CDK15: variants seen among roughly 807,000 people sequenced by gnomAD.
CDK15 encodes the protein cyclin-dependent kinase 15.
A neutral mutation model predicts 60.3 loss-of-function variants in CDK15; 62 were observed. The observed-to-expected ratio is 1.03, with a 90% CI of 0.84 to 1.27. The LOEUF is 1.27. CDK15 is among the 50% of genes most tolerant of loss of function. The probability of loss-of-function intolerance (pLI) is 0.00; values close to 1 mark genes in which losing one functional copy is unlikely to be tolerated. For synonymous variants in CDK15, 194 were observed against 195.7 expected, an observed-to-expected ratio of 0.99 and a Z score of 0.07; for missense variants, 541 against 527.8, an observed-to-expected ratio of 1.03 and a Z score of -0.25.
intron 9 of CDK15, among the ~76,000 whole-genome samples, chr2:201,853,118 G>A (rs1363373228): frequency 2.6e-5 from 4 of 152,198 alleles, no homozygotes; most frequent in African/African-American, 4.8e-5. Context: ...ACATAAGATG[G>A]TAGGTTAAAA....
intron 12 of CDK15, among the ~76,000 whole-genome samples, chr2:201,889,831 C>G (rs1699580332): frequency 6.6e-6 from 1 of 151,946 alleles, no homozygotes. Context: ...AGGTGGATCA[C>G]CTGAGGTCAG....
At chr2:201,884,949 T>C (rs1699405512) in intron 12 of CDK15, among the ~76,000 whole-genome samples, 1 of 152,194 alleles carries the variant, frequency 6.6e-6, no homozygotes, top group African/African-American at 2.4e-5. Context: ...TAAAGTGCTC[T>C]AAGTGTTTGA....
At chr2:201,821,424 G>A (rs1325484930) in intron 4 of CDK15, among the ~76,000 whole-genome samples, 1 of 152,024 alleles carries the variant, frequency 6.6e-6, no homozygotes, top group South Asian at 2.1e-4. Flanking sequence ...TGTCAGGAGG[G>A]CAAAACGACA....
chr2:201,830,133 G>T (rs561993072), intron 6 of CDK15, among the ~76,000 whole-genome samples: 27 of 152,202 alleles, frequency 1.8e-4, no homozygotes, highest in Admixed American at 3.3e-4. Flanking sequence ...TAGAGATGGG[G>T]TCTTGCTATG....
At chr2:201,813,077 C>A (rs564077645) in intron 4 of CDK15, among the ~76,000 whole-genome samples, 1 of 152,260 alleles carries the variant, frequency 6.6e-6, no homozygotes, top group South Asian at 2.1e-4. Flanking sequence ...CACAGGTCCA[C>A]CAATCACTAG....
chr2:201,817,183 C>T (rs1013255160), intron 4 of CDK15, among the ~76,000 whole-genome samples: 14 of 152,222 alleles, frequency 9.2e-5, no homozygotes, highest in African/African-American at 3.4e-4. Context: ...CCTGCCCTGC[C>T]TCACTTTGAG....
intron 12 of CDK15, chr2:201,888,974 T>G: frequency 1.0e-6 from 1 of 986,160 alleles, no homozygotes; most frequent in African/African-American, 1.7e-5. Flanking sequence ...AATTGCATAT[T>G]ATAATATCCG....
At chr2:201,868,680 A>C (rs1422833900) in intron 10 of CDK15, among the ~76,000 whole-genome samples, 3 of 131,020 alleles carry the variant, frequency 2.3e-5, no homozygotes, top group African/African-American at 3.5e-5. Flanking sequence ...AACTTAAATA[A>C]GTTTACAAAA....
intron 4 of CDK15, among the ~76,000 whole-genome samples, chr2:201,817,375 A>C (rs919133549): frequency 2.0e-5 from 3 of 152,118 alleles, no homozygotes; most frequent in Admixed American, 6.5e-5. Context: ...TTCTCTGATG[A>C]TTCGTGATGT....
At chr2:201,823,626 T>G (rs935552500) in intron 5 of CDK15, 39 bp from the exon 6 acceptor site, 3 of 1,577,358 alleles carry the variant, frequency 1.9e-6, no homozygotes, top group South Asian at 1.1e-5. Flanking sequence ...TAAGCACCAC[T>G]AAATTCACTC....
chr2:201,870,134 T>C (rs1377323425), intron 10 of CDK15, among the ~76,000 whole-genome samples: 1 of 152,226 alleles, frequency 6.6e-6, no homozygotes, highest in East Asian at 1.9e-4. Context: ...CTTAGCACTA[T>C]GAATTCAAAT....
In CDK15 at chr2:201,833,895, A is replaced by C; in HGVS notation, c.654A>C (p.Gln218His). ...GGGGCCTGGCGTACATCCACCACCA[A>C]CACGTTCTTCACAGGGACCTGAAAC... ...LLRGLAYIHH[Q>H]HVLHRDLKPQ... Residue 218 changes from glutamine (Q) to histidine (H), a missense_variant, in exon 7 of 14, where the codon CAA (glutamine) becomes CAC (histidine). Physicochemically the swap from Gln to His is conservative, Grantham distance 24 (BLOSUM62 0). Transcript: ENST00000652192. 6.2e-7 allele frequency: 1 copy of C among 1,613,954 alleles called. No homozygotes were observed. Among genetic ancestry groups the C allele is most frequent in the Non-Finnish European group, 8.5e-7 (1 of 1,179,966 alleles).
intron 4 of CDK15, among the ~76,000 whole-genome samples, chr2:201,812,901 C>T (rs1294416245): frequency 6.6e-6 from 1 of 152,150 alleles, no homozygotes; most frequent in East Asian, 1.9e-4. Flanking sequence ...TATAATCACA[C>T]AAATTCTTAC....
chr2:201,855,077 T>C, intron 10 of CDK15, 140 bp downstream of exon 10: 1 of 694,426 alleles, frequency 1.4e-6, no homozygotes, highest in Non-Finnish European at 2.5e-6. Flanking sequence ...ATATATTCCC[T>C]GACTAATCTT....
intron 6 of CDK15, among the ~76,000 whole-genome samples, chr2:201,828,145 G>C (rs1412721625): frequency 2.6e-5 from 4 of 152,206 alleles, no homozygotes; most frequent in African/African-American, 9.6e-5. Flanking sequence ...GGTTTGGAGA[G>C]AAAGAGGAGT....
intron 9 of CDK15, among the ~76,000 whole-genome samples, chr2:201,850,559 G>T (rs572142109): frequency 6.6e-6 from 1 of 152,290 alleles, no homozygotes. Flanking sequence ...CACTTTGTCC[G>T]CAGAGCAAGA....
rs117437073 is a variant in CDK15 at position 201,817,021 on chromosome 2, G to C, written c.448+4459G>C. Among the ~76,000 whole-genome samples the C allele has an allele frequency of 5.1e-4, 78 of 152,332 alleles. 2 individuals carry two copies. In the East Asian group the frequency reaches 0.015, roughly 29 times the overall value. ...CTACTCTGGGCACACTGCCTATGTG[G>C]CAGCCCTGCTCTGCAAGGAGAGGTA... On this transcript the variant is annotated intron_variant, in intron 4 of 13. Transcript: ENST00000652192.
chr2:201,835,690 G>A lies in CDK15; in HGVS notation c.778G>A (p.Val260Ile). ...TCCCAGCCAGACATACTCTTCAGAAGTCGTGACCCTCTGGTACCGGCCCCC... is the reference window on the plus strand; with the variant it reads ...TCCCAGCCAGACATACTCTTCAGAAATCGTGACCCTCTGGTACCGGCCCCC... Reference protein sequence around the residue: ...SIPSQTYSSEVVTLWYRPPDA... With the variant: ...SIPSQTYSSEIVTLWYRPPDA... Residue 260 changes from valine to isoleucine, a missense_variant, in exon 8 of 14, where the codon GTC (valine) becomes ATC (isoleucine). Transcript: ENST00000652192. 1 of 1,611,754 alleles carries A rather than the reference G, an allele frequency of 6.2e-7. No individual in the cohort carries two copies. The highest frequency in any genetic ancestry group is 8.5e-7 in the Non-Finnish European group (1 of 1,178,630).
At position 201,809,463 on chromosome 2, in the gene CDK15, A is replaced by G. The variant is rs1284221607; in HGVS notation, c.368+1511A>G. Reference sequence around the variant, plus strand: ...GATGGTTTGAAATGCTGCCATGATTATATATTAGATCTCACGAATACTTGA... The same window carrying G: ...GATGGTTTGAAATGCTGCCATGATTGTATATTAGATCTCACGAATACTTGA... On this transcript the variant is annotated intron_variant, in intron 3 of 13. Transcript: ENST00000652192. Among the ~76,000 whole-genome samples, 13 of 152,334 alleles carry G rather than the reference A, an allele frequency of 8.5e-5. No individual in the cohort carries two copies. In the South Asian group the frequency reaches 2.7e-3, roughly 32 times the overall value.
Sources: allele counts gnomAD v4.1 joint callset (sites outside exome capture counted in the v4.1 genomes callset), GRCh38; gene constraint gnomAD v4.1.1; transcripts MANE v1.5; gene names NCBI Gene and HGNC (gene_info 2026-07-23, HGNC 2026-07-21).